SMOX: variants seen among roughly 807,000 people sequenced by gnomAD.
SMOX encodes the protein flavin containing amine oxidase.
Under a neutral mutation model 51.0 loss-of-function variants are expected in SMOX, and 22 were observed. The observed-to-expected ratio is 0.43, with a 90% CI of 0.31 to 0.62. The LOEUF (loss-of-function observed/expected upper bound fraction) is 0.62, where lower values mean the gene tolerates loss of function less well. SMOX is among the 20% of genes least tolerant of loss of function. SMOX has a pLI of 0.10. For synonymous variants in SMOX, 282 were observed against 307.8 expected, an observed-to-expected ratio of 0.92 and a Z score of 0.88; for missense variants, 566 against 777.7, an observed-to-expected ratio of 0.73 and a Z score of 3.24.
intron 6 of SMOX, among the ~76,000 whole-genome samples, chr20:4,186,321 A>G (rs1979730036): frequency 6.6e-6 from 1 of 152,172 alleles, no homozygotes; most frequent in Admixed American, 6.5e-5. Flanking sequence ...AATAATAAAT[A>G]AAAACTGCAT....
intron 2 of SMOX, chr20:4,175,905 T>TGGGGGGGG (rs3838043): frequency 1.4e-5 from 1 of 70,184 alleles, no homozygotes; most frequent in Non-Finnish European, 2.3e-5. Flanking sequence ...GGGGAGGGGG[T>TGGGGGGGG]GGGGGGGGGA....
In SMOX at chr20:4,182,639, T is replaced by C. The variant is rs764263169; in HGVS notation, c.1160T>C (p.Val387Ala). 1.2e-6 allele frequency: 2 copies of C among 1,613,870 alleles called. No homozygotes were observed. The highest frequency in any genetic ancestry group is 2.7e-5 in the African/African-American group (2 of 74,856). ...WGPECNSLQF[V>A]WEDEAESHTL... ...CCTGAGTGCAACAGCCTACAGTTTG[T>C]GTGGGAGGACGAAGCAGAGAGCCAC... The change falls in exon 5 of 7, where the codon GTG becomes GCG. Residue 387 changes from valine (V) to alanine (A), a missense_variant. Val to Ala is a moderately conservative substitution (Grantham distance 64). This residue lies in a region of SMOX where 347 missense variants were observed against 481.8 expected (regional missense o/e 0.72). Coordinates refer to ENST00000305958, the MANE Select transcript of SMOX (RefSeq NM_175839.3). This position sits in a 1 kb window ranked among gnomAD's most constrained non-coding sequence, Gnocchi z 8.4.
At chr20:4,164,075 C>A (rs1171227793) in intron 1 of SMOX, among the ~76,000 whole-genome samples, 1 of 152,122 alleles carries the variant, frequency 6.6e-6, no homozygotes, top group Non-Finnish European at 1.5e-5. Flanking sequence ...GCTCCAAGCA[C>A]CCCTACCAAG....
intron 6 of SMOX, among the ~76,000 whole-genome samples, chr20:4,185,402 A>G (rs1305350522): frequency 6.6e-6 from 1 of 152,184 alleles, no homozygotes; most frequent in African/African-American, 2.4e-5. Context: ...CTAGTTAGAA[A>G]TGCAGATTCT....
intron 3 of SMOX, among the ~76,000 whole-genome samples, chr20:4,180,681 C>T (rs1283554606): frequency 6.6e-6 from 1 of 152,164 alleles, no homozygotes; most frequent in Non-Finnish European, 1.5e-5. Flanking sequence ...CCTTGCTGCC[C>T]CCTCCAGCAA....
rs1986792846 is a variant in SMOX, at chr20:4,170,852, A to G, written c.-26-4178A>G. On this transcript the variant is annotated intron_variant, in intron 1 of 6. Transcript: ENST00000305958. This position sits in a 1 kb window ranked among gnomAD's most constrained non-coding sequence, Gnocchi z 4.6. ...GAGGCGGTGGCCTGCAGGCTGGAGA[A>G]CTGGCTGCGTGGTATCTTGGATGAA... is the stretch of plus-strand genomic sequence containing the variant. Among the ~76,000 whole-genome samples, 1 of 152,058 alleles carries G rather than the reference A, an allele frequency of 6.6e-6. No homozygotes were observed. The highest frequency in any genetic ancestry group is 1.5e-5 in the Non-Finnish European group (1 of 68,014).
Position 4,181,738 on chromosome 20 carries a change from G to A in SMOX, c.436-65G>A. ...CCTGGGAACTGGTGGGTTTGGGTTG[G>A]GGGCCTTCTGTTTGAGATGGAGGTG... On this transcript the variant is annotated intron_variant, in intron 3 of 6. Transcript: ENST00000305958. The surrounding 1 kb of genome is among the most constrained non-coding windows in gnomAD (Gnocchi z 5.6). 6.4e-7 allele frequency: 1 copy of A among 1,569,442 alleles called. No homozygotes were observed. Among genetic ancestry groups the A allele is most frequent in the Non-Finnish European group, 8.7e-7 (1 of 1,155,316 alleles).
chr20:4,158,192 G>GC (rs1480597772), intron 1 of SMOX, among the ~76,000 whole-genome samples: 1 of 152,176 alleles, frequency 6.6e-6, no homozygotes, highest in African/African-American at 2.4e-5. Flanking sequence ...GAGCCACAGC[G>GC]CCGGTCGGGG....
At chr20:4,164,686 G>A (rs1217036982) in intron 1 of SMOX, among the ~76,000 whole-genome samples, 1 of 152,124 alleles carries the variant, frequency 6.6e-6, no homozygotes, top group Non-Finnish European at 1.5e-5. Context: ...GGTGACTTGG[G>A]TGCCTCAAAA....
chr20:4,151,639 C>T (rs1392918967), intron 1 of SMOX, among the ~76,000 whole-genome samples: 14 of 152,136 alleles, frequency 9.2e-5, no homozygotes, highest in Admixed American at 8.5e-4. Flanking sequence ...CCTTTACTGG[C>T]CTGGCTTTTC....
Position 4,172,221 on chromosome 20 carries a change from G to A in SMOX, c.-26-2809G>A, listed in dbSNP as rs1401783913. Among the ~76,000 whole-genome samples the A allele has an allele frequency of 2.0e-5, 3 of 152,226 alleles. No individual in the cohort carries two copies. Among genetic ancestry groups the A allele is most frequent in the African/African-American group, 7.2e-5 (3 of 41,460 alleles). On this transcript the variant is annotated intron_variant, in intron 1 of 6. Coordinates refer to ENST00000305958, the MANE Select transcript of SMOX (RefSeq NM_175839.3). This position sits in a 1 kb window ranked among gnomAD's most constrained non-coding sequence, Gnocchi z 7.7. ...GTGTGGGGTGGCCTGGGGCAGACCCGCCGGGCGGGTTGCGGCGCCACGTCA... is the reference window on the plus strand; with the variant it reads ...GTGTGGGGTGGCCTGGGGCAGACCCACCGGGCGGGTTGCGGCGCCACGTCA...
chr20:4,169,447 G>A (rs1227887518), intron 1 of SMOX, among the ~76,000 whole-genome samples: 3 of 152,176 alleles, frequency 2.0e-5, no homozygotes, highest in African/African-American at 7.2e-5. Context: ...GGGTGATGCT[G>A]AGGTGGGCTT....
chr20:4,181,733 G>C lies in SMOX; in HGVS notation c.436-70G>C, dbSNP rs1447445302. 102 of 1,562,248 alleles carry C rather than the reference G, an allele frequency of 6.5e-5. No homozygotes were observed. The South Asian group carries it at 1.2e-3, about 18-fold the overall frequency. On this transcript the variant is annotated intron_variant, in intron 3 of 6. Coordinates refer to ENST00000305958, the MANE Select transcript of SMOX (RefSeq NM_175839.3). This position sits in a 1 kb window ranked among gnomAD's most constrained non-coding sequence, Gnocchi z 5.6. Reference sequence around the variant, plus strand: ...GGACACCTGGGAACTGGTGGGTTTGGGTTGGGGGCCTTCTGTTTGAGATGG... The same window carrying C: ...GGACACCTGGGAACTGGTGGGTTTGCGTTGGGGGCCTTCTGTTTGAGATGG...
chr20:4,168,947 T>G (rs13045072), intron 1 of SMOX, among the ~76,000 whole-genome samples: 30,036 of 112,398 alleles, frequency 0.27, 3,893 homozygotes, highest in Non-Finnish European at 0.33. Flanking sequence ...TTTATTTTAT[T>G]TTATGTTATT....
intron 1 of SMOX, among the ~76,000 whole-genome samples, chr20:4,159,941 T>C (rs764993207): frequency 1.3e-5 from 2 of 152,212 alleles, no homozygotes; most frequent in Non-Finnish European, 2.9e-5. Context: ...GCACAGTTAA[T>C]GTACCCTGAA....
chr20:4,161,255 G>T (rs1382373284), intron 1 of SMOX, among the ~76,000 whole-genome samples: 1 of 152,198 alleles, frequency 6.6e-6, no homozygotes, highest in Non-Finnish European at 1.5e-5. Context: ...ACTGACTCAC[G>T]TCAGGGCCGT....
intron 2 of SMOX, among the ~76,000 whole-genome samples, chr20:4,176,450 G>A (rs1366047359): frequency 2.5e-4 from 38 of 152,218 alleles, no homozygotes; most frequent in Non-Finnish European, 1.6e-4. Context: ...TGTGTACAAA[G>A]ATAGGAGGAA....
Position 4,187,418 on chromosome 20 carries a change from C to G in SMOX, c.*11C>G, listed in dbSNP as rs200697477. On this transcript the variant is annotated 3_prime_UTR_variant, in exon 7 of 7. Transcript: ENST00000305958. The surrounding 1 kb of genome is among the most constrained non-coding windows in gnomAD (Gnocchi z 4.8). ...CAGCAGGGGACCTGAGGGCTGTCCT[C>G]GCTGCTGAGAAGAGCCACTAACTCG... is the stretch of plus-strand genomic sequence containing the variant. The G allele has an allele frequency of 6.2e-7, 1 of 1,612,144 alleles. No homozygotes were observed.
At chr20:4,164,951 C>T (rs767601326) in intron 1 of SMOX, among the ~76,000 whole-genome samples, 4 of 151,476 alleles carry the variant, frequency 2.6e-5, no homozygotes, top group East Asian at 1.9e-4. Flanking sequence ...GATCATGGCT[C>T]ATTGCAGCCT....
Sources: allele counts gnomAD v4.1 joint callset (sites outside exome capture counted in the v4.1 genomes callset), GRCh38; gene constraint gnomAD v4.1.1; regional missense constraint gnomAD v4.1.1; non-coding constraint Gnocchi (gnomAD v3.1); transcripts MANE v1.5; gene names NCBI Gene and HGNC (gene_info 2026-07-23, HGNC 2026-07-21).